Variants in GLT8D1 observed in about 807,000 individuals in gnomAD.
The protein encoded by GLT8D1 is glycosyltransferase 8 domain-containing protein 1.
A neutral mutation model predicts 46.2 loss-of-function variants in GLT8D1; 41 were observed. The ratio of observed to expected loss-of-function variants is 0.89; its 90% CI spans 0.69 to 1.15. The LOEUF is 1.15. Ranked by LOEUF, GLT8D1 falls within the 50% of genes most tolerant of loss-of-function variation. GLT8D1 has a pLI of 0.00. For missense variants in GLT8D1, 408 were observed against 449.3 expected (o/e 0.91, Z 0.83); for synonymous variants, 150 against 154.2 (o/e 0.97, Z 0.20).
Position 52,696,557 on chromosome 3 carries a change from C to A in GLT8D1, c.432G>T (p.Gly144=). The A allele has an allele frequency of 6.4e-7, 1 of 1,573,438 alleles. No individual in the cohort carries two copies. The highest frequency in any genetic ancestry group is 8.7e-7 in the Non-Finnish European group (1 of 1,143,014). ...TGGAACTCACAGGTTTCATGGATTC[C>A]CCCTGGTCAGGATCCTCCTTTACTT... The part of the protein sequence containing the change: ...EGKVKEDPDQ[G]ESMKPLTFAR... Residue 144 remains glycine (G), a synonymous_variant, in exon 5 of 10, where the codon GGG becomes GGT. Coordinates refer to ENST00000266014, the MANE Select transcript of GLT8D1 (RefSeq NM_018446.4).
rs1365398481 is a variant in GLT8D1, at chr3:52,694,813, G to A, written c.*32C>T. 1 of 1,485,240 alleles carries A rather than the reference G, an allele frequency of 6.7e-7. No individual in the cohort carries two copies. The highest frequency in any genetic ancestry group is 1.1e-5 in the South Asian group (1 of 88,488). The allele number at this position is 1,485,240 out of a possible 1,614,324, so 92.0% of individuals were successfully genotyped here. A position where few individuals can be genotyped will look rare whatever the true frequency, so the allele number is the denominator to read the frequency against. On this transcript the variant is annotated 3_prime_UTR_variant, in exon 10 of 10. Coordinates refer to ENST00000266014, the MANE Select transcript of GLT8D1 (RefSeq NM_018446.4). Reference sequence around the variant, plus strand: ...CGCATGCTATCTTCCAGGACTTCCTGAGAAATGCTTGCTTACAGTTCAAAT... The same window carrying A: ...CGCATGCTATCTTCCAGGACTTCCTAAGAAATGCTTGCTTACAGTTCAAAT...
At chr3:52,699,432 A>G (rs921301187) in intron 3 of GLT8D1, among the ~76,000 whole-genome samples, 2 of 151,936 alleles carry the variant, frequency 1.3e-5, no homozygotes, top group African/African-American at 4.8e-5. Flanking sequence ...CTACAGGCGC[A>G]TACCACCACG....
intron 6 of GLT8D1, 30 bp downstream of exon 6, chr3:52,696,204 G>C (rs763569723): frequency 7.0e-7 from 1 of 1,428,706 alleles, no homozygotes; most frequent in South Asian, 1.1e-5. Context: ...TCTGGGTGGA[G>C]AACAGCACTC....
intron 4 of GLT8D1, among the ~76,000 whole-genome samples, chr3:52,697,271 T>A (rs1169093176): frequency 6.6e-6 from 1 of 152,224 alleles, no homozygotes; most frequent in African/African-American, 2.4e-5. Flanking sequence ...ACTATCCAAG[T>A]TTCCCCAGAT....
intron 7 of GLT8D1, 73 bp from the exon 8 acceptor site, chr3:52,695,660 G>A: frequency 1.1e-6 from 1 of 899,428 alleles, no homozygotes; most frequent in East Asian, 2.4e-5. Flanking sequence ...CCAGTAGAGA[G>A]AAGAGCTGTT....
At position 52,696,289 on chromosome 3, in the gene GLT8D1, A is replaced by G. The variant is rs2154100148; in HGVS notation, c.477T>C (p.Ile159=). 3.7e-6 allele frequency: 6 copies of G among 1,611,948 alleles called. No homozygotes were observed. The highest frequency in any genetic ancestry group is 1.3e-5 in the African/African-American group (1 of 75,018). The change falls in exon 6 of 10, where the codon ATT becomes ATC. Residue 159 remains isoleucine (I), a synonymous_variant. Coordinates refer to ENST00000266014, the MANE Select transcript of GLT8D1 (RefSeq NM_018446.4). ...PLTFARFYLP[I]LVPSAKKAIY... is the part of the protein sequence containing the mutation. ...TGGCCTTCTTTGCGCTGGGAACCAGAATTGGCAAGTAGAACCTTGCAAAGG... is the reference window on the plus strand; with the variant it reads ...TGGCCTTCTTTGCGCTGGGAACCAGGATTGGCAAGTAGAACCTTGCAAAGG...
intron 3 of GLT8D1, among the ~76,000 whole-genome samples, chr3:52,699,878 A>G (rs1048334073): frequency 3.3e-5 from 5 of 152,228 alleles, no homozygotes; most frequent in African/African-American, 9.6e-5. Context: ...GACTAATTCA[A>G]TATACTGTGC....
rs931693107 is a variant in GLT8D1, at chr3:52,694,504, T to A, written c.*341A>T. The A allele has an allele frequency of 3.5e-6, 2 of 578,226 alleles. No homozygotes were observed. Among genetic ancestry groups the A allele is most frequent in the Admixed American group, 3.2e-5 (1 of 31,490 alleles). 35.8% of individuals were successfully genotyped at this position (578,226 alleles called of 1,614,324 possible). A position where few individuals can be genotyped will look rare whatever the true frequency, so the allele number is the denominator to read the frequency against. On this transcript the variant is annotated 3_prime_UTR_variant, in exon 10 of 10. Coordinates refer to ENST00000266014, the MANE Select transcript of GLT8D1 (RefSeq NM_018446.4). ...GAAGATACCTATTGAAAAATGTAAG[T>A]TTTATTTACAGATCAGGCCACAGGT...
In GLT8D1 at chr3:52,696,538, TCA is replaced by T; in HGVS notation, c.447+2_447+3del. ...AAGTGCAAAGAAGGATGCATGGAACTCACAGGTTTCATGGATTCCCCCTGGTC... is the reference window on the plus strand; with the variant it reads ...AAGTGCAAAGAAGGATGCATGGAACTCAGGTTTCATGGATTCCCCCTGGTC... On this transcript the variant is annotated splice_donor_variant and splice_donor_region_variant and intron_variant, in intron 5 of 9. Coordinates refer to ENST00000266014, the MANE Select transcript of GLT8D1 (RefSeq NM_018446.4). LOFTEE classifies it high-confidence loss of function. 12 of 1,443,512 alleles carry T rather than the reference TCA, an allele frequency of 8.3e-6. No individual in the cohort carries two copies. Among genetic ancestry groups the T allele is most frequent in the East Asian group, 2.3e-5 (1 of 44,128 alleles). 89.4% of individuals were successfully genotyped at this position (1,443,512 alleles called of 1,614,324 possible). A position where few individuals can be genotyped will look rare whatever the true frequency, so the allele number is the denominator to read the frequency against.
chr3:52,703,435 A>AG, intron 1 of GLT8D1: 1 of 151,946 alleles, frequency 6.6e-6, no homozygotes, highest in Non-Finnish European at 1.5e-5. Context: ...AAAAAAAAAA[A>AG]AAAAAAAGAG....
chr3:52,697,580 TATGTC>T, intron 4 of GLT8D1, 136 bp downstream of exon 4: 1 of 682,002 alleles, frequency 1.5e-6, no homozygotes, highest in East Asian at 2.5e-5. Context: ...CTAAAAAAAA[TATGTC>T]ATTTGTACAG....
chr3:52,695,550 C>CT lies in GLT8D1; in HGVS notation c.682dup (p.Arg228LysfsTer4), dbSNP rs1370209421. 6.2e-7 allele frequency: 1 copy of CT among 1,610,682 alleles called. No homozygotes were observed. Among genetic ancestry groups the CT allele is most frequent in the African/African-American group, 1.3e-5 (1 of 74,842 alleles). On this transcript the variant is annotated frameshift_variant, in exon 8 of 10. Coordinates refer to ENST00000266014, the MANE Select transcript of GLT8D1 (RefSeq NM_018446.4). LOFTEE classifies it high-confidence loss of function. ...GGCTTTCATGGAAAGCTTACGAATT[C>CT]TTTCCTTTTTATAGTCAAGATAGCC...
chr3:52,695,136 G>A, intron 9 of GLT8D1, 54 bp downstream of exon 9: 1 of 1,460,090 alleles, frequency 6.8e-7, no homozygotes, highest in Non-Finnish European at 9.6e-7. Flanking sequence ...CCTGAGGATA[G>A]TTCTTTAGAT....
intron 8 of GLT8D1, 26 bp from the exon 9 acceptor site, chr3:52,695,328 T>C (rs1478943694): frequency 1.9e-6 from 3 of 1,592,746 alleles, no homozygotes; most frequent in Non-Finnish European, 2.6e-6. Flanking sequence ...AACAAATGTT[T>C]GTTAGTGAAA....
At chr3:52,704,745 A>T (rs2097342443) in intron 1 of GLT8D1, 1 of 152,254 alleles carries the variant, frequency 6.6e-6, no homozygotes, top group Non-Finnish European at 1.5e-5. Flanking sequence ...GCTGGCTCCC[A>T]CTTGGCATTC....
At chr3:52,696,189 C>T (rs762176092) in intron 6 of GLT8D1, 45 bp downstream of exon 6, 28 of 1,336,378 alleles carry the variant, frequency 2.1e-5, no homozygotes, top group Non-Finnish European at 2.9e-5. Flanking sequence ...AGCAATTGTA[C>T]CCAATCTGGG....
Position 52,700,480 on chromosome 3 carries a change from A to G in GLT8D1, c.-20T>C. 4 of 1,569,906 alleles carry G rather than the reference A, an allele frequency of 2.5e-6. No homozygotes were observed. Among genetic ancestry groups the G allele is most frequent in the South Asian group, 1.1e-5 (1 of 89,494 alleles). On this transcript the variant is annotated 5_prime_UTR_variant, in exon 2 of 10. Transcript: ENST00000266014. ...TGACATCTTTTTCTTCTGTCATATA[A>G]ATATTAGTTTTTAACCCTACAAAAC... is the stretch of plus-strand genomic sequence containing the variant.
rs2154099876 is a variant in GLT8D1, at chr3:52,694,560, T to A, written c.*285A>T. 1 of 584,224 alleles carries A rather than the reference T, an allele frequency of 1.7e-6. No homozygotes were observed. Among genetic ancestry groups the A allele is most frequent in the East Asian group, 2.8e-5 (1 of 35,122 alleles). The allele number at this position is 584,224 out of a possible 1,614,324, so 36.2% of individuals were successfully genotyped here. On this transcript the variant is annotated 3_prime_UTR_variant, in exon 10 of 10. Coordinates refer to ENST00000266014, the MANE Select transcript of GLT8D1 (RefSeq NM_018446.4). ...AATTAAAACCAACAGCAGTTTTGAATTATCTGTACCAGCTAGCTGAACTAG... is the reference window on the plus strand; with the variant it reads ...AATTAAAACCAACAGCAGTTTTGAAATATCTGTACCAGCTAGCTGAACTAG...
Position 52,704,815 on chromosome 3 carries a change from CA to C in GLT8D1, c.-37+631del, listed in dbSNP as rs562146027. 3 of 152,596 alleles carry C rather than the reference CA, an allele frequency of 2.0e-5. No individual in the cohort carries two copies. In the South Asian group the frequency reaches 6.2e-4, roughly 32 times the overall value. The allele number at this position is 152,596 out of a possible 1,614,324, so 9.5% of individuals were successfully genotyped here. A position where few individuals can be genotyped will look rare whatever the true frequency, so the allele number is the denominator to read the frequency against. ...GAGCTGCACCTCCCCTGAGCTCCCA[CA>C]TCTGGGCCTCCCTCTCCCAGGGCTA... On this transcript the variant is annotated intron_variant, in intron 1 of 9. Coordinates refer to ENST00000266014, the MANE Select transcript of GLT8D1 (RefSeq NM_018446.4).
Sources: allele counts gnomAD v4.1 joint callset (sites outside exome capture counted in the v4.1 genomes callset), GRCh38; gene constraint gnomAD v4.1.1; transcripts MANE v1.5; gene names NCBI Gene and HGNC (gene_info 2026-07-23, HGNC 2026-07-21).